The following UTP20 variants were observed in gnomAD, a reference collection of about 807,000 sequenced individuals.
UTP20 encodes the protein UTP20 small subunit processome component.
Under a neutral mutation model 329.5 loss-of-function variants are expected in UTP20, and 164 were observed. That is an observed-to-expected ratio of 0.50 (90% CI 0.44 to 0.57). The LOEUF is 0.57. Ranked by LOEUF, UTP20 falls within the 20% of genes least tolerant of loss-of-function variation. The pLI is 0.00. For synonymous variants in UTP20, 1,151 were observed against 1,159.3 expected (o/e 0.99, Z 0.14); for missense variants, 3,055 against 3,284.2 (o/e 0.93, Z 1.71).
Position 101,309,773 on chromosome 12 carries a change from G to C in UTP20, c.2165G>C (p.Arg722Pro). ...CTTTTGTAATTGCAGGTGCCGCTTC[G>C]TTATTTGTTAGGCATGCTATATATT... ...PDGPLQEVPL[R>P]YLLGMLYINF... is the part of the protein sequence containing the mutation. The change falls in exon 19 of 62, where the codon CGT becomes CCT. Residue 722 changes from arginine (R) to proline (P), a missense_variant. This residue lies in a region of UTP20 where 2,445 missense variants were observed against 2,575.5 expected (regional missense o/e 0.95). Transcript: ENST00000261637. The C allele has an allele frequency of 6.2e-7, 1 of 1,613,586 alleles. No individual in the cohort carries two copies. The highest frequency in any genetic ancestry group is 1.1e-5 in the South Asian group (1 of 91,050).
intron 46 of UTP20, among the ~76,000 whole-genome samples, chr12:101,365,993 A>C (rs1031589215): frequency 3.3e-5 from 5 of 152,128 alleles, no homozygotes; most frequent in African/African-American, 1.2e-4. Context: ...CACTTTGGGA[A>C]GCTAAGGAGG....
Position 101,331,522 on chromosome 12 carries a change from A to G in UTP20, c.3418-1779A>G, listed in dbSNP as rs182128562. ...AACTTGTATAAGATAATAAGCTGAA[A>G]GTAGAACATATGTGAGATACCATGA... On this transcript the variant is annotated intron_variant, in intron 27 of 61. Transcript: ENST00000261637. Among the ~76,000 whole-genome samples, 28 of 152,346 alleles carry G rather than the reference A, an allele frequency of 1.8e-4. No individual in the cohort carries two copies. In the East Asian group the frequency reaches 5.0e-3, roughly 27 times the overall value.
At chr12:101,313,479 G>A (rs1356360574) in intron 21 of UTP20, among the ~76,000 whole-genome samples, 1 of 152,122 alleles carries the variant, frequency 6.6e-6, no homozygotes, top group East Asian at 1.9e-4. Context: ...GTTTTCTTAA[G>A]GATTTTTATG....
intron 35 of UTP20, among the ~76,000 whole-genome samples, chr12:101,343,612 C>T (rs938078722): frequency 6.6e-6 from 1 of 152,126 alleles, no homozygotes; most frequent in Non-Finnish European, 1.5e-5. Flanking sequence ...CAGGTTCAAC[C>T]AATTCTCCCA....
chr12:101,308,407 A>G, intron 18 of UTP20, 64 bp downstream of exon 18: 1 of 1,177,690 alleles, frequency 8.5e-7, no homozygotes. Context: ...TTGGGGAAGC[A>G]CATCAAGTAG....
At chr12:101,371,723 GA>G (rs1870298304) in intron 51 of UTP20, among the ~76,000 whole-genome samples, 1 of 151,976 alleles carries the variant, frequency 6.6e-6, no homozygotes, top group Non-Finnish European at 1.5e-5. Flanking sequence ...TAGTAGAGAT[GA>G]GGTTTCACCA....
At chr12:101,366,454 A>T (rs536891938) in intron 46 of UTP20, 104 bp from the exon 47 acceptor site, 8 of 1,418,630 alleles carry the variant, frequency 5.6e-6, no homozygotes, top group Middle Eastern at 3.7e-4. Context: ...CAAATGGCAC[A>T]TTATTTAGTG....
chr12:101,321,699 G>C (rs1868377355), intron 25 of UTP20, 70 bp downstream of exon 25: 1 of 1,523,742 alleles, frequency 6.6e-7, no homozygotes, highest in Non-Finnish European at 8.9e-7. Context: ...ACAGTATTAT[G>C]GTTCTTTCAA....
chr12:101,365,534 A>T lies in UTP20; in HGVS notation c.6034A>T (p.Ile2012Phe). 6.2e-7 allele frequency: 1 copy of T among 1,613,332 alleles called. No homozygotes were observed. The highest frequency in any genetic ancestry group is 8.5e-7 in the Non-Finnish European group (1 of 1,179,744). Residue 2012 changes from isoleucine to phenylalanine, a missense_variant, in exon 46 of 62, where the codon ATT (isoleucine) becomes TTT (phenylalanine). Physicochemically the swap from Ile to Phe is conservative, Grantham distance 21. Coordinates refer to ENST00000261637, the MANE Select transcript of UTP20 (RefSeq NM_014503.3). ...TTTACGCCGAATCACAGTGGGATTA[A>T]TTGTAAATCAGGAAATGACAGCTGA... ...ETLRRITVGL[I>F]VNQEMTAESI...
At chr12:101,362,100 G>A in intron 44 of UTP20, 40 bp downstream of exon 44, 8 of 1,452,884 alleles carry the variant, frequency 5.5e-6, no homozygotes, top group Non-Finnish European at 7.7e-6. Flanking sequence ...TTTTTTAAGT[G>A]GGCCAACGAC....
intron 2 of UTP20, among the ~76,000 whole-genome samples, chr12:101,281,963 A>C (rs929011214): frequency 6.6e-6 from 1 of 152,090 alleles, no homozygotes; most frequent in African/African-American, 2.4e-5. Context: ...TTGGCCTCCG[A>C]AAGTGCTGGG....
At chr12:101,343,755 G>A (rs1028415744) in intron 35 of UTP20, among the ~76,000 whole-genome samples, 23 of 152,210 alleles carry the variant, frequency 1.5e-4, no homozygotes, top group South Asian at 2.1e-4. Context: ...CAGGCGATCC[G>A]CCCATCTTGG....
intron 43 of UTP20, among the ~76,000 whole-genome samples, chr12:101,357,984 G>T (rs1176768325): frequency 6.6e-6 from 1 of 152,184 alleles, no homozygotes; most frequent in Admixed American, 6.5e-5. Context: ...TTCTTTTCAA[G>T]TAAGCAGCCA....
Position 101,321,576 on chromosome 12 carries a change from T to A in UTP20, c.2988T>A (p.Asp996Glu), listed in dbSNP as rs148536386. 2.5e-6 allele frequency: 4 copies of A among 1,613,780 alleles called. No individual in the cohort carries two copies. The highest frequency in any genetic ancestry group is 3.4e-6 in the Non-Finnish European group (4 of 1,179,804). ...TAGTGCATTTTAGCATTTCAGAAGATAATGCTGTAGTGAAAACAGCCCACC... is the reference window on the plus strand; with the variant it reads ...TAGTGCATTTTAGCATTTCAGAAGAAAATGCTGTAGTGAAAACAGCCCACC... ...EEIVHFSISE[D>E]NAVVKTAHRA... Residue 996 changes from aspartate (D) to glutamate (E), a missense_variant, in exon 25 of 62, where the codon GAT becomes GAA. By Grantham distance (45) the Asp-to-Glu change is conservative (BLOSUM62 2). Around this residue, in one of 3 missense-constraint regions of UTP20, gnomAD observed 2,445 missense variants for 2,575.5 expected, o/e 0.95. Coordinates refer to ENST00000261637, the MANE Select transcript of UTP20 (RefSeq NM_014503.3).
chr12:101,380,887 T>G (rs966888511), intron 57 of UTP20, among the ~76,000 whole-genome samples: 31 of 125,660 alleles, frequency 2.5e-4, no homozygotes, highest in African/African-American at 8.5e-4. Context: ...AAAAAAAAAA[T>G]GTAGAGTATT....
At chr12:101,310,941 G>A (rs982518788) in intron 19 of UTP20, among the ~76,000 whole-genome samples, 2 of 152,156 alleles carry the variant, frequency 1.3e-5, no homozygotes, top group African/African-American at 4.8e-5. Flanking sequence ...TACACTTTCA[G>A]AAGAGAGAAT....
chr12:101,357,709 A>G (rs1355713902), intron 43 of UTP20, among the ~76,000 whole-genome samples: 3 of 152,320 alleles, frequency 2.0e-5, no homozygotes, highest in South Asian at 2.1e-4. Context: ...AGCTGTGATC[A>G]TGCCACAGAA....
rs188280077 is a variant in UTP20 at position 101,309,907 on chromosome 12, A to T, written c.2231+68A>T. 2.6e-5 allele frequency: 36 copies of T among 1,403,168 alleles called. No individual in the cohort carries two copies. The East Asian group carries it at 7.5e-4, about 29-fold the overall frequency. 86.9% of individuals were successfully genotyped at this position (1,403,168 alleles called of 1,614,324 possible). A position where few individuals can be genotyped will look rare whatever the true frequency, so the allele number is the denominator to read the frequency against. ...ACTGCAGAATGATGGGGCCCAGATT[A>T]TTCTCCTTCTGGGTGTGATTTAAAT... On this transcript the variant is annotated intron_variant, in intron 19 of 61. Coordinates refer to ENST00000261637, the MANE Select transcript of UTP20 (RefSeq NM_014503.3).
rs376302531 is a variant in UTP20, at chr12:101,338,985, T to C, written c.4013+28T>C. 3.7e-5 allele frequency: 58 copies of C among 1,558,132 alleles called. No individual in the cohort carries two copies. The African/African-American group carries it at 7.5e-4, about 20-fold the overall frequency. ...AAGTGATATGTTGATACTTAAAAGA[T>C]AACATTACCATCCTTGGTTTTAACT... On this transcript the variant is annotated intron_variant, in intron 31 of 61. Transcript: ENST00000261637.
Sources: gnomAD v4.1 joint callset for allele counts (sites outside exome capture counted in the v4.1 genomes callset) on GRCh38, gnomAD v4.1.1 for gene constraint, gnomAD v4.1.1 regional missense constraint, MANE v1.5 for transcripts, NCBI Gene and HGNC (gene_info 2026-07-23, HGNC 2026-07-21) for gene names.